ARHGEF11: variants seen among roughly 807,000 people sequenced by gnomAD.
ARHGEF11 encodes Rho guanine nucleotide exchange factor 11, also known as Rho guanine exchange factor (GEF) 11.
Under a neutral mutation model 193.7 loss-of-function variants are expected in ARHGEF11, and 55 were observed. The observed-to-expected ratio is 0.28, with a 90% CI of 0.23 to 0.36. The LOEUF is 0.36. Among genes scored for constraint, ARHGEF11 ranks in the 10% least tolerant of loss-of-function variants. The pLI is 1.00. For missense variants in ARHGEF11, 1,723 were observed against 2,005.6 expected, an observed-to-expected ratio of 0.86 and a Z score of 2.69; for synonymous variants, 693 against 768.0, an observed-to-expected ratio of 0.90 and a Z score of 1.62.
intron 39 of ARHGEF11, 50 bp from the exon 40 acceptor site, chr1:156,937,055 G>T (rs1469909650): frequency 1.3e-6 from 2 of 1,594,338 alleles, no homozygotes; most frequent in Admixed American, 3.4e-5. Context: ...TATTCCTAAG[G>T]CCCCTGGGGA....
At chr1:156,980,558 G>A (rs1428124255) in intron 3 of ARHGEF11, 72 bp from the exon 4 acceptor site, 2 of 1,491,630 alleles carry the variant, frequency 1.3e-6, no homozygotes, top group South Asian at 2.4e-5. Context: ...GTCCCTGTCA[G>A]ATCACCTCTC....
intron 1 of ARHGEF11, among the ~76,000 whole-genome samples, chr1:156,996,370 G>A (rs998777734): frequency 7.9e-5 from 12 of 152,210 alleles, no homozygotes; most frequent in Admixed American, 7.2e-4. Flanking sequence ...GAGCCTTGGA[G>A]GAAGGGGAGA....
intron 1 of ARHGEF11, among the ~76,000 whole-genome samples, chr1:157,042,663 T>G (rs371182761): frequency 6.6e-6 from 1 of 152,164 alleles, no homozygotes; most frequent in African/African-American, 2.4e-5. Flanking sequence ...GCTGGGCAAA[T>G]CCTGAGATTT....
intron 1 of ARHGEF11, among the ~76,000 whole-genome samples, chr1:157,017,975 G>A (rs919950321): frequency 2.0e-5 from 3 of 151,844 alleles, no homozygotes; most frequent in African/African-American, 7.3e-5. Context: ...AGCTATGAGA[G>A]AATAGGTAAA....
At chr1:156,985,245 A>G (rs1003412570) in intron 2 of ARHGEF11, among the ~76,000 whole-genome samples, 1 of 152,128 alleles carries the variant, frequency 6.6e-6, no homozygotes, top group Non-Finnish European at 1.5e-5. Flanking sequence ...TCTGTGCCTC[A>G]GCTCCCTCAT....
At chr1:157,025,726 A>G (rs1425077853) in intron 1 of ARHGEF11, among the ~76,000 whole-genome samples, 2 of 152,100 alleles carry the variant, frequency 1.3e-5, no homozygotes, top group Non-Finnish European at 2.9e-5. Context: ...TAGATCAAGG[A>G]GCTAAGTTAT....
At position 156,935,672 on chromosome 1, in the gene ARHGEF11, C is replaced by T. The variant is rs774625177; in HGVS notation, c.*328G>A. The stretch of plus-strand genomic sequence containing the variant: ...CTTTCACTTGCATGTCTGAGGGCAG[C>T]GCACATACAGGCGTGCGCGTGTACA... On this transcript the variant is annotated 3_prime_UTR_variant, in exon 41 of 41. Transcript: ENST00000368194. 66 of 256,288 alleles carry T rather than the reference C, an allele frequency of 2.6e-4. No individual in the cohort carries two copies. Among genetic ancestry groups the T allele is most frequent in the Non-Finnish European group, 3.8e-4 (51 of 135,406 alleles). The allele number at this position is 256,288 out of a possible 1,614,324, so 15.9% of individuals were successfully genotyped here.
intron 1 of ARHGEF11, among the ~76,000 whole-genome samples, chr1:157,016,196 AG>A (rs922794020): frequency 1.7e-4 from 26 of 152,106 alleles, no homozygotes; most frequent in Non-Finnish European, 3.1e-4. Context: ...GAGCAACAAA[AG>A]GGAGCTACTT....
chr1:157,028,081 T>A (rs1030341011), intron 1 of ARHGEF11, among the ~76,000 whole-genome samples: 1 of 152,188 alleles, frequency 6.6e-6, no homozygotes, highest in Non-Finnish European at 1.5e-5. Flanking sequence ...TGAAAACAAC[T>A]GCTTGGCTCA....
At chr1:156,956,797 A>T (rs1660023532) in intron 18 of ARHGEF11, among the ~76,000 whole-genome samples, 1 of 152,208 alleles carries the variant, frequency 6.6e-6, no homozygotes, top group Admixed American at 6.5e-5. Flanking sequence ...GACTTTTCCC[A>T]GGAGAAGTCT....
At chr1:156,944,833 G>A (rs1369988943) in intron 30 of ARHGEF11, among the ~76,000 whole-genome samples, 186 bp downstream of exon 30, 5 of 152,172 alleles carry the variant, frequency 3.3e-5, no homozygotes, top group South Asian at 2.1e-4. Flanking sequence ...TAGGTGGGGC[G>A]GCCTGCCTTG....
At position 156,940,436 on chromosome 1, in the gene ARHGEF11, T is replaced by A; in HGVS notation, c.3515-11A>T. 1.9e-6 allele frequency: 3 copies of A among 1,590,714 alleles called. No individual in the cohort carries two copies. The highest frequency in any genetic ancestry group is 2.6e-6 in the Non-Finnish European group (3 of 1,163,792). On this transcript the variant is annotated splice_polypyrimidine_tract_variant and intron_variant, in intron 35 of 40. Transcript: ENST00000368194. Reference sequence around the variant, plus strand: ...GCTGGGACCCAGTGCCTGTTTCGGATGAGAGAAGATTGTAAGGCAGGGAAA... The same window carrying A: ...GCTGGGACCCAGTGCCTGTTTCGGAAGAGAGAAGATTGTAAGGCAGGGAAA...
rs547963935 is a variant in ARHGEF11, at chr1:156,956,822, G to A, written c.1527-258C>T. 2.2e-4 allele frequency among the ~76,000 whole-genome samples: 33 copies of A among 152,272 alleles called. 1 individual carries two copies. The South Asian group carries it at 6.8e-3, about 32-fold the overall frequency. On this transcript the variant is annotated intron_variant, in intron 18 of 40. Coordinates refer to ENST00000368194, the MANE Select transcript of ARHGEF11 (RefSeq NM_198236.3). ...AGGAGAAGTCTTATTCTTTCCCTAA[G>A]CAGAACTCTTCCCCATGAGCAGATG...
intron 10 of ARHGEF11, 30 bp downstream of exon 10, chr1:156,969,252 C>A (rs1465080513): frequency 7.7e-6 from 12 of 1,566,074 alleles, no homozygotes; most frequent in Non-Finnish European, 1.0e-5. Flanking sequence ...AATGCACGTT[C>A]TGAATGGGCC....
At chr1:157,015,761 G>A (rs1414740069) in intron 1 of ARHGEF11, among the ~76,000 whole-genome samples, 1 of 152,214 alleles carries the variant, frequency 6.6e-6, no homozygotes. Context: ...GCACTGGGAT[G>A]GAAGGTCAGC....
chr1:157,022,856 T>G (rs1259851348), intron 1 of ARHGEF11, among the ~76,000 whole-genome samples: 1 of 152,218 alleles, frequency 6.6e-6, no homozygotes, highest in African/African-American at 2.4e-5. Context: ...ATCACATTTA[T>G]GGGTCCACTG....
chr1:157,019,632 G>A (rs1669710255), intron 1 of ARHGEF11, among the ~76,000 whole-genome samples: 3 of 152,100 alleles, frequency 2.0e-5, no homozygotes, highest in African/African-American at 7.2e-5. Context: ...ATGAACAGGT[G>A]AACAGATACA....
intron 1 of ARHGEF11, among the ~76,000 whole-genome samples, chr1:157,028,751 TAATC>T (rs1316089309): frequency 2.0e-5 from 3 of 152,042 alleles, no homozygotes; most frequent in Non-Finnish European, 4.4e-5. Flanking sequence ...AATATGCAAA[TAATC>T]AACATAAAAA....
intron 1 of ARHGEF11, among the ~76,000 whole-genome samples, chr1:157,024,925 T>C (rs1670463436): frequency 6.6e-6 from 1 of 152,216 alleles, no homozygotes; most frequent in South Asian, 2.1e-4. Flanking sequence ...GGAAAACCTT[T>C]TAAAATGTGT....
Sources: allele counts gnomAD v4.1 joint callset (sites outside exome capture counted in the v4.1 genomes callset), GRCh38; gene constraint gnomAD v4.1.1; transcripts MANE v1.5; gene names NCBI Gene and HGNC (gene_info 2026-07-23, HGNC 2026-07-21).